Variants in SNAPC3 observed in about 807,000 individuals in gnomAD.
SNAPC3 encodes small nuclear RNA activating complex polypeptide 3, also known as snRNA-activating protein complex subunit 3.
Under a neutral mutation model 47.7 loss-of-function variants are expected in SNAPC3, and 56 were observed. The observed-to-expected ratio is 1.18, with a 90% CI of 0.95 to 1.47. SNAPC3 has a LOEUF of 1.47. Among genes scored for constraint, SNAPC3 ranks in the 40% most tolerant of loss-of-function variants. The probability of loss-of-function intolerance (pLI) is 0.00; values close to 1 mark genes in which losing one functional copy is unlikely to be tolerated. For synonymous variants in SNAPC3, 235 were observed against 189.9 expected (o/e 1.24, Z -1.95); for missense variants, 665 against 511.3 (o/e 1.30, Z -2.90).
chr9:15,466,349 G>A (rs564406654), downstream of SNAPC3, among the ~76,000 whole-genome samples: 2 of 152,160 alleles, frequency 1.3e-5, no homozygotes, highest in African/African-American at 4.8e-5. Flanking sequence ...TTGCACTCCA[G>A]CCTGAGCAAC....
chr9:15,456,493 G>A (rs1054796987), intron 7 of SNAPC3, among the ~76,000 whole-genome samples: 2 of 151,848 alleles, frequency 1.3e-5, no homozygotes, highest in African/African-American at 2.4e-5. Context: ...CTTGAGAGGG[G>A]ATGTCACTCT....
chr9:15,450,507 A>G (rs990524680), intron 5 of SNAPC3, among the ~76,000 whole-genome samples: 6 of 152,196 alleles, frequency 3.9e-5, no homozygotes, highest in Non-Finnish European at 7.4e-5. Flanking sequence ...AGATGAGAAA[A>G]CAGGTCTGAG....
intron 3 of SNAPC3, among the ~76,000 whole-genome samples, chr9:15,441,988 C>T (rs1436689364): frequency 6.6e-6 from 1 of 152,102 alleles, no homozygotes; most frequent in Non-Finnish European, 1.5e-5. Context: ...AGGCGCCCCC[C>T]CACCTCCCGG....
At chr9:15,450,161 TA>T (rs762318275) in intron 5 of SNAPC3, among the ~76,000 whole-genome samples, 1 of 152,154 alleles carries the variant, frequency 6.6e-6, no homozygotes, top group African/African-American at 2.4e-5. Context: ...ACATTATACT[TA>T]ATGTACATAA....
chr9:15,439,266 C>G (rs2131832671), intron 3 of SNAPC3, among the ~76,000 whole-genome samples: 1 of 152,312 alleles, frequency 6.6e-6, no homozygotes, highest in South Asian at 2.1e-4. Flanking sequence ...CCACCTTGGT[C>G]TCCCATGCTT....
intron 6 of SNAPC3, among the ~76,000 whole-genome samples, chr9:15,452,605 A>C (rs2034475388): frequency 6.6e-6 from 1 of 152,258 alleles, no homozygotes; most frequent in African/African-American, 2.4e-5. Context: ...GGTGTGAGCC[A>C]CCATGCCCAG....
downstream of SNAPC3, among the ~76,000 whole-genome samples, chr9:15,466,190 C>T (rs2035613030): frequency 6.6e-6 from 1 of 152,172 alleles, no homozygotes; most frequent in Non-Finnish European, 1.5e-5. Flanking sequence ...CCGGGCTGGC[C>T]AACATGGTGA....
chr9:15,450,986 G>A (rs747006053), intron 5 of SNAPC3, among the ~76,000 whole-genome samples: 9 of 152,140 alleles, frequency 5.9e-5, no homozygotes, highest in Admixed American at 5.9e-4. Context: ...AACATAGCTC[G>A]ATGATCATTG....
rs574575292 is a variant in SNAPC3 at position 15,461,224 on chromosome 9, A to G, written c.*1358A>G. ...ACCCAGGCTGGAGTACAGTGGCGTGATCTTGGCTCACTGGAGCCCTGACCT... is the reference window on the plus strand; with the variant it reads ...ACCCAGGCTGGAGTACAGTGGCGTGGTCTTGGCTCACTGGAGCCCTGACCT... On this transcript the variant is annotated 3_prime_UTR_variant, in exon 9 of 9. Coordinates refer to ENST00000380821, the MANE Select transcript of SNAPC3 (RefSeq NM_001039697.2). 1 of 152,048 alleles carries G rather than the reference A, an allele frequency of 6.6e-6. No individual in the cohort carries two copies. Among genetic ancestry groups the G allele is most frequent in the South Asian group, 2.1e-4 (1 of 4,818 alleles). 9.4% of individuals were successfully genotyped at this position (152,048 alleles called of 1,614,324 possible). A position where few individuals can be genotyped will look rare whatever the true frequency, so the allele number is the denominator to read the frequency against.
At chr9:15,440,524 C>T (rs577133616) in intron 3 of SNAPC3, among the ~76,000 whole-genome samples, 2 of 151,924 alleles carry the variant, frequency 1.3e-5, no homozygotes, top group East Asian at 3.9e-4. Flanking sequence ...AAAAGAAAAA[C>T]AAAAGTAAAA....
intron 7 of SNAPC3, among the ~76,000 whole-genome samples, chr9:15,456,357 G>C (rs2034793167): frequency 6.6e-6 from 1 of 152,132 alleles, no homozygotes; most frequent in African/African-American, 2.4e-5. Flanking sequence ...TAAACAACGT[G>C]ATTCCAAGGC....
chr9:15,443,179 G>T (rs2033644336), intron 3 of SNAPC3, among the ~76,000 whole-genome samples: 1 of 152,186 alleles, frequency 6.6e-6, no homozygotes, highest in Non-Finnish European at 1.5e-5. Context: ...GGGAGAGGGA[G>T]ACCGTGGGGA....
At chr9:15,442,285 G>C (rs1193612156) in intron 3 of SNAPC3, among the ~76,000 whole-genome samples, 1 of 149,334 alleles carries the variant, frequency 6.7e-6, no homozygotes, top group East Asian at 2.0e-4. Context: ...GCGGCTGGCC[G>C]GGCGGGGGCT....
chr9:15,459,799 A>T lies in SNAPC3; in HGVS notation c.1169A>T (p.Asp390Val). The change falls in exon 9 of 9, where the codon GAT becomes GTT. Residue 390 changes from aspartate to valine, a missense_variant. Physicochemically the swap from Asp to Val is radical, Grantham distance 152 (BLOSUM62 -3). Coordinates refer to ENST00000380821, the MANE Select transcript of SNAPC3 (RefSeq NM_001039697.2). Reference protein sequence around the residue: ...CDVCFRMLHYDSEGNKLGEFL... With the variant: ...CDVCFRMLHYVSEGNKLGEFL... ...GTTTGCTTCCGAATGCTGCACTATGATTCAGAAGGCAACAAACTGGGGGAA... is the reference window on the plus strand; with the variant it reads ...GTTTGCTTCCGAATGCTGCACTATGTTTCAGAAGGCAACAAACTGGGGGAA... 1 of 1,613,566 alleles carries T rather than the reference A, an allele frequency of 6.2e-7. No individual in the cohort carries two copies. The highest frequency in any genetic ancestry group is 8.5e-7 in the Non-Finnish European group (1 of 1,179,728).
At chr9:15,464,294 G>A (rs2132018381), downstream of SNAPC3, 1 of 194,546 alleles carries the variant, frequency 5.1e-6, no homozygotes, top group Admixed American at 6.1e-5. Flanking sequence ...ACCACACAAT[G>A]TCATACAGAG....
intron 3 of SNAPC3, among the ~76,000 whole-genome samples, chr9:15,438,680 A>G (rs1015684079): frequency 7.2e-5 from 11 of 151,870 alleles, no homozygotes; most frequent in African/African-American, 1.5e-4. Flanking sequence ...GAATTTTCCA[A>G]TTTTTCTCCT....
intron 2 of SNAPC3, among the ~76,000 whole-genome samples, chr9:15,432,949 T>C (rs1018398674): frequency 6.6e-6 from 1 of 152,212 alleles, no homozygotes; most frequent in Non-Finnish European, 1.5e-5. Flanking sequence ...ATAAGGTGTC[T>C]TTCTGGTGCA....
chr9:15,424,596 G>A (rs1011736647), intron 2 of SNAPC3, among the ~76,000 whole-genome samples: 6 of 152,190 alleles, frequency 3.9e-5, no homozygotes, highest in Non-Finnish European at 7.3e-5. Context: ...ATTATTCAAT[G>A]ATAATGGAAG....
At chr9:15,443,457 G>A (rs900866678) in intron 3 of SNAPC3, among the ~76,000 whole-genome samples, 5 of 152,018 alleles carry the variant, frequency 3.3e-5, no homozygotes, top group Middle Eastern at 3.2e-3. Flanking sequence ...GGAGCTGCCT[G>A]TGACTTTTCC....
Sources: allele counts gnomAD v4.1 joint callset (sites outside exome capture counted in the v4.1 genomes callset), GRCh38; gene constraint gnomAD v4.1.1; transcripts MANE v1.5; gene names NCBI Gene and HGNC (gene_info 2026-07-23, HGNC 2026-07-21).